The following TBC1D4 variants were observed in gnomAD, a reference collection of about 807,000 sequenced individuals.
TBC1D4 encodes the protein TBC (Tre-2, BUB2, CDC16) domain-containing protein.
A neutral mutation model predicts 142.5 loss-of-function variants in TBC1D4; 121 were observed. The ratio of observed to expected loss-of-function variants is 0.85; its 90% CI spans 0.73 to 0.99. The LOEUF is 0.99. Among genes scored for constraint, TBC1D4 ranks in the 50% least tolerant of loss-of-function variants. The pLI is 0.00. For missense variants in TBC1D4, 1,475 were observed against 1,606.6 expected (o/e 0.92, Z 1.40); for synonymous variants, 630 against 628.2 (o/e 1.00, Z -0.04).
In TBC1D4 at chr13:75,326,392, G is replaced by A. The variant is rs1430033779; in HGVS notation, c.1838C>T (p.Thr613Ile). 1.2e-6 allele frequency: 2 copies of A among 1,614,144 alleles called. No individual in the cohort carries two copies. The highest frequency in any genetic ancestry group is 2.2e-5 in the East Asian group (1 of 44,854). The change falls in exon 10 of 21, where the codon ACA (threonine) becomes ATA (isoleucine). Residue 613 changes from threonine (T) to isoleucine (I), a missense_variant. Transcript: ENST00000377636. ...TGAGGACGGTGGGGACGCTGGCGGT[G>A]TCCCTGGTGGAGAATCCCCTGGTGA... ...DYSPGDSPPG[T>I]PPASPPSSAW...
intron 1 of TBC1D4, among the ~76,000 whole-genome samples, chr13:75,452,272 T>C (rs1887564788): frequency 6.6e-6 from 1 of 152,188 alleles, no homozygotes; most frequent in African/African-American, 2.4e-5. Context: ...TTGCATTTCC[T>C]CCATAGTAAA....
intron 1 of TBC1D4, among the ~76,000 whole-genome samples, chr13:75,365,987 T>G (rs1478312978): frequency 6.6e-6 from 1 of 152,216 alleles, no homozygotes. Context: ...GGCTTCTCAC[T>G]CTGCTCACCA....
At chr13:75,370,792 G>T (rs1399978092) in intron 1 of TBC1D4, among the ~76,000 whole-genome samples, 2 of 152,122 alleles carry the variant, frequency 1.3e-5, no homozygotes, top group African/African-American at 2.4e-5. Flanking sequence ...ACAGATCAGG[G>T]CTGAGACAGA....
chr13:75,327,899 C>T, intron 8 of TBC1D4, 73 bp from the exon 9 acceptor site: 1 of 1,483,938 alleles, frequency 6.7e-7, no homozygotes, highest in Non-Finnish European at 9.4e-7. Context: ...AAGGTAGTTC[C>T]AGGTGGTCTC....
intron 1 of TBC1D4, among the ~76,000 whole-genome samples, chr13:75,394,710 A>G: frequency 6.6e-6 from 1 of 152,218 alleles, no homozygotes; most frequent in East Asian, 1.9e-4. Flanking sequence ...TTGTTCATTC[A>G]TTTGTTCATT....
chr13:75,361,512 T>C (rs1402477510), intron 2 of TBC1D4, among the ~76,000 whole-genome samples: 3 of 152,120 alleles, frequency 2.0e-5, no homozygotes, highest in African/African-American at 7.2e-5. Context: ...CCTGATTAGC[T>C]GGGATTACAG....
chr13:75,313,911 G>A (rs1327281398), intron 12 of TBC1D4, among the ~76,000 whole-genome samples: 1 of 152,160 alleles, frequency 6.6e-6, no homozygotes, highest in East Asian at 1.9e-4. Context: ...CTCCAACAGG[G>A]AAACAGTGTA....
chr13:75,311,423 CT>C (rs1877740025), intron 13 of TBC1D4, among the ~76,000 whole-genome samples: 1 of 152,050 alleles, frequency 6.6e-6, no homozygotes, highest in South Asian at 2.1e-4. Context: ...CTATTTTCTT[CT>C]TTTTTTATAT....
intron 10 of TBC1D4, among the ~76,000 whole-genome samples, 198 bp downstream of exon 10, chr13:75,325,999 G>C (rs190884431): frequency 2.0e-5 from 3 of 152,128 alleles, no homozygotes; most frequent in Non-Finnish European, 2.9e-5. Flanking sequence ...CCACCCAAAC[G>C]AATTAACTCT....
At chr13:75,480,873 G>GCGCACACA (rs1182212682) in intron 1 of TBC1D4, among the ~76,000 whole-genome samples, 1 of 98,788 alleles carries the variant, frequency 1.0e-5, no homozygotes, top group East Asian at 3.4e-4. Flanking sequence ...GCGCGCACAC[G>GCGCACACA]CACGCACACA....
chr13:75,301,297 T>A (rs1441174044), intron 16 of TBC1D4, among the ~76,000 whole-genome samples: 1 of 152,162 alleles, frequency 6.6e-6, no homozygotes, highest in Non-Finnish European at 1.5e-5. Context: ...AATACAATCT[T>A]TAAAAATCAA....
At chr13:75,335,435 T>C (rs1329452280) in intron 8 of TBC1D4, among the ~76,000 whole-genome samples, 1 of 152,204 alleles carries the variant, frequency 6.6e-6, no homozygotes, top group African/African-American at 2.4e-5. Context: ...ATATATATAC[T>C]TACTAAATGG....
chr13:75,441,643 C>T (rs1887046337), intron 1 of TBC1D4, among the ~76,000 whole-genome samples: 1 of 152,116 alleles, frequency 6.6e-6, no homozygotes, highest in Non-Finnish European at 1.5e-5. Flanking sequence ...ATAGATTGCA[C>T]ACAGCACCTA....
intron 1 of TBC1D4, among the ~76,000 whole-genome samples, chr13:75,423,748 A>G (rs1189658209): frequency 1.3e-5 from 2 of 152,216 alleles, no homozygotes; most frequent in Non-Finnish European, 2.9e-5. Flanking sequence ...AGTTCCTATT[A>G]GGATCTTTGC....
At chr13:75,374,256 C>A (rs1209592884) in intron 1 of TBC1D4, among the ~76,000 whole-genome samples, 1 of 152,058 alleles carries the variant, frequency 6.6e-6, no homozygotes, top group Non-Finnish European at 1.5e-5. Context: ...TCCGATGACA[C>A]CATGACCTTT....
chr13:75,355,909 CAA>C (rs778649494), intron 4 of TBC1D4, among the ~76,000 whole-genome samples: 3 of 152,166 alleles, frequency 2.0e-5, no homozygotes, highest in Non-Finnish European at 4.4e-5. Context: ...TTAAAAAGCT[CAA>C]GTTTCCATGA....
chr13:75,304,877 T>C (rs547295615), intron 15 of TBC1D4, among the ~76,000 whole-genome samples: 61 of 152,078 alleles, frequency 4.0e-4, no homozygotes, highest in African/African-American at 1.3e-3. Context: ...CAAAGTAAAA[T>C]AGAGCACACA....
chr13:75,283,926 C>T lies in TBC1D4; in HGVS notation c.*2866G>A, dbSNP rs534808388. On this transcript the variant is annotated 3_prime_UTR_variant, in exon 21 of 21. Transcript: ENST00000377636. ...TGTTTTTCTTTTTTTTTGTCAAAGT[C>T]TCACTCTGTGGCCCAGGCTAGAGTG... Among the ~76,000 whole-genome samples, 1 of 151,962 alleles carries T rather than the reference C, an allele frequency of 6.6e-6. No individual in the cohort carries two copies. Among genetic ancestry groups the T allele is most frequent in the African/African-American group, 2.4e-5 (1 of 41,424 alleles).
chr13:75,326,541 T>G, intron 9 of TBC1D4, 118 bp from the exon 10 acceptor site: 1 of 1,066,114 alleles, frequency 9.4e-7, no homozygotes, highest in Admixed American at 2.0e-5. Flanking sequence ...ATGACAAAAC[T>G]GTTTTTCCTC....
Sources: allele counts gnomAD v4.1 joint callset (sites outside exome capture counted in the v4.1 genomes callset), GRCh38; gene constraint gnomAD v4.1.1; transcripts MANE v1.5; gene names NCBI Gene and HGNC (gene_info 2026-07-23, HGNC 2026-07-21).